The following OSTN variants were observed in gnomAD, a reference collection of about 807,000 sequenced individuals.
OSTN encodes osteocrin.
OSTN carries 9 observed loss-of-function variants against 12.0 expected under a neutral mutation model. That is an observed-to-expected ratio of 0.75 (90% confidence interval 0.45 to 1.30). OSTN has a LOEUF of 1.30. Among genes scored for constraint, OSTN ranks in the 50% most tolerant of loss-of-function variants. The pLI is 0.00. For synonymous variants in OSTN, 59 were observed against 56.9 expected (o/e 1.04, Z -0.16); for missense variants, 148 against 152.3 (o/e 0.97, Z 0.15).
At chr3:191,214,003 T>A (rs1326556380) in intron 2 of OSTN, among the ~76,000 whole-genome samples, 1 of 152,200 alleles carries the variant, frequency 6.6e-6, no homozygotes, top group Non-Finnish European at 1.5e-5. Context: ...AGGAATAGTT[T>A]GAAACCATAT....
chr3:191,202,288 C>A (rs1714167575), intron 1 of OSTN, among the ~76,000 whole-genome samples: 1 of 152,158 alleles, frequency 6.6e-6, no homozygotes, highest in African/African-American at 2.4e-5. Flanking sequence ...TTATGTATGA[C>A]AATTCTATTT....
chr3:191,244,185 GT>G (rs1715381214), intron 3 of OSTN, among the ~76,000 whole-genome samples: 1 of 152,014 alleles, frequency 6.6e-6, no homozygotes, highest in Admixed American at 6.6e-5. Context: ...TCCACCTGCT[GT>G]TTTTTGGAAT....
intron 3 of OSTN, among the ~76,000 whole-genome samples, chr3:191,220,522 T>C (rs1464609767): frequency 2.6e-5 from 4 of 152,310 alleles, no homozygotes; most frequent in East Asian, 3.9e-4. Flanking sequence ...AGAATGCTAG[T>C]ACACTGTTAG....
At chr3:191,231,402 C>T (rs991852739) in intron 3 of OSTN, among the ~76,000 whole-genome samples, 8 of 151,290 alleles carry the variant, frequency 5.3e-5, no homozygotes, top group East Asian at 1.9e-4. Context: ...TAAAATGTGA[C>T]GTATTTAGTA....
At chr3:191,214,778 C>T (rs1328088502) in intron 2 of OSTN, among the ~76,000 whole-genome samples, 1 of 152,116 alleles carries the variant, frequency 6.6e-6, no homozygotes. Context: ...ATTGGGAGGC[C>T]AAGGTAGGTG....
intron 4 of OSTN, among the ~76,000 whole-genome samples, chr3:191,254,297 T>A (rs1447100087): frequency 6.6e-6 from 1 of 152,264 alleles, no homozygotes. Flanking sequence ...CAGAATGCAA[T>A]GGCAATATGC....
chr3:191,204,957 A>G (rs377066052), intron 1 of OSTN, among the ~76,000 whole-genome samples: 1 of 152,184 alleles, frequency 6.6e-6, no homozygotes, highest in South Asian at 2.1e-4. Flanking sequence ...TAAAAACATA[A>G]TATTTTCAAA....
At chr3:191,261,360 C>T (rs1326892079) in intron 4 of OSTN, among the ~76,000 whole-genome samples, 1 of 152,154 alleles carries the variant, frequency 6.6e-6, no homozygotes, top group Non-Finnish European at 1.5e-5. Flanking sequence ...AGAAAGAATG[C>T]AGGCTCAGAG....
chr3:191,254,815 G>C (rs1293566977), intron 4 of OSTN, among the ~76,000 whole-genome samples: 1 of 152,072 alleles, frequency 6.6e-6, no homozygotes, highest in Admixed American at 6.5e-5. Flanking sequence ...TTTTAAATTG[G>C]CTTTACTGAG....
chr3:191,221,848 G>T (rs1200991691), intron 3 of OSTN, among the ~76,000 whole-genome samples: 2 of 152,206 alleles, frequency 1.3e-5, no homozygotes, highest in Non-Finnish European at 2.9e-5. Context: ...CTTCACAGCA[G>T]CCCCTCCCAT....
chr3:191,218,589 C>T (rs935820016), intron 2 of OSTN, among the ~76,000 whole-genome samples, 158 bp from the exon 3 acceptor site: 4 of 152,194 alleles, frequency 2.6e-5, no homozygotes, highest in Non-Finnish European at 5.9e-5. Flanking sequence ...CGCCATTGCA[C>T]CCCAACCTTG....
In OSTN at chr3:191,252,730, T is replaced by A. The variant is rs1715587497; in HGVS notation, c.*12+2597T>A. 2.6e-5 allele frequency among the ~76,000 whole-genome samples: 4 copies of A among 152,248 alleles called. No homozygotes were observed. The South Asian group carries it at 8.3e-4, about 31-fold the overall frequency. ...CTTCCTCATGTGAAGTTTCATGTTATGTAGTTTATGAATAACAAAAGACAT... is the reference window on the plus strand; with the variant it reads ...CTTCCTCATGTGAAGTTTCATGTTAAGTAGTTTATGAATAACAAAAGACAT... On this transcript the variant is annotated intron_variant, in intron 4 of 4. Transcript: ENST00000682035.
intron 3 of OSTN, chr3:191,228,780 C>T (rs919403471): frequency 3.9e-5 from 6 of 152,068 alleles, no homozygotes; most frequent in Non-Finnish European, 7.4e-5. Context: ...AGAATTTTTC[C>T]ATCTAAAACA....
intron 1 of OSTN, among the ~76,000 whole-genome samples, chr3:191,207,848 G>A (rs1008310837): frequency 7.9e-5 from 12 of 152,066 alleles, no homozygotes; most frequent in Admixed American, 4.6e-4. Flanking sequence ...ACCTCACTGC[G>A]TTATTCCATA....
At chr3:191,214,781 G>A (rs1218928482) in intron 2 of OSTN, among the ~76,000 whole-genome samples, 1 of 152,190 alleles carries the variant, frequency 6.6e-6, no homozygotes, top group African/African-American at 2.4e-5. Context: ...GGGAGGCCAA[G>A]GTAGGTGGAT....
Position 191,218,904 on chromosome 3 carries a change from T to C in OSTN, c.260T>C (p.Phe87Ser). The C allele has an allele frequency of 6.2e-7, 1 of 1,614,144 alleles. No individual in the cohort carries two copies. Among genetic ancestry groups the C allele is most frequent in the Non-Finnish European group, 8.5e-7 (1 of 1,180,000 alleles). ...ETKKKRSFSG[F>S]GSPLDRLSAG... The stretch of plus-strand genomic sequence containing the variant: ...AAGAAGAAAAGGAGTTTCTCTGGTT[T>C]TGGGTCTCCCCTTGACAGACTCTCA... Residue 87 changes from phenylalanine to serine, a missense_variant, in exon 3 of 5, where the codon TTT becomes TCT. Phe to Ser is a radical substitution (Grantham distance 155, BLOSUM62 -2). Coordinates refer to ENST00000682035, the MANE Select transcript of OSTN (RefSeq NM_198184.2).
intron 1 of OSTN, among the ~76,000 whole-genome samples, chr3:191,211,419 G>T (rs1366677817): frequency 1.3e-5 from 2 of 152,096 alleles, no homozygotes; most frequent in African/African-American, 4.8e-5. Context: ...GGGGCACTAG[G>T]TTGATTCCAA....
In OSTN at chr3:191,218,942, G is replaced by T. The variant is rs1714694804; in HGVS notation, c.298G>T (p.Asp100Tyr). ...PLDRLSAGSV[D>Y]HKGKQRKVVD... ...TGACAGACTCTCAGCTGGCTCTGTA[G>T]ATCACAAAGGTAAACAGAGGTAAGT... Residue 100 changes from aspartate (D) to tyrosine (Y), a missense_variant, in exon 3 of 5, where the codon GAT (aspartate) becomes TAT (tyrosine). Coordinates refer to ENST00000682035, the MANE Select transcript of OSTN (RefSeq NM_198184.2). 1 of 1,613,778 alleles carries T rather than the reference G, an allele frequency of 6.2e-7. No homozygotes were observed. Among genetic ancestry groups the T allele is most frequent in the African/African-American group, 1.3e-5 (1 of 74,994 alleles).
intron 1 of OSTN, among the ~76,000 whole-genome samples, chr3:191,209,668 C>A (rs1714369018): frequency 6.6e-6 from 1 of 152,186 alleles, no homozygotes; most frequent in Non-Finnish European, 1.5e-5. Context: ...TAAGTCTTAA[C>A]TGACATAGTT....
Sources: allele counts gnomAD v4.1 joint callset (sites outside exome capture counted in the v4.1 genomes callset), GRCh38; gene constraint gnomAD v4.1.1; transcripts MANE v1.5; gene names NCBI Gene and HGNC (gene_info 2026-07-23, HGNC 2026-07-21).